The following TPTE variants were observed in gnomAD, a reference collection of about 807,000 sequenced individuals.
TPTE encodes the protein putative tyrosine-protein phosphatase TPTE.
A neutral mutation model predicts 84.1 loss-of-function variants in TPTE; 59 were observed. That is an observed-to-expected ratio of 0.70 (90% CI 0.57 to 0.87). The LOEUF (loss-of-function observed/expected upper bound fraction) is 0.87. Among genes scored for constraint, TPTE ranks in the 40% least tolerant of loss-of-function variants. The pLI, the probability that TPTE is intolerant of heterozygous loss-of-function variation, is 0.00. For missense variants in TPTE, 382 were observed against 659.6 expected (o/e 0.58, Z 4.61); for synonymous variants, 130 against 223.5 (o/e 0.58, Z 3.73).
chr21:10,580,662 T>C (rs1252592266), intron 17 of TPTE, among the ~76,000 whole-genome samples: 1 of 152,312 alleles, frequency 6.6e-6, no homozygotes, highest in Non-Finnish European at 1.5e-5. Context: ...TGAGTATAAA[T>C]GCATGGATTT....
rs1179537027 is a variant in TPTE at position 10,521,625 on chromosome 21, C to T, written c.-280C>T. 2.7e-5 allele frequency: 4 copies of T among 149,512 alleles called. No individual in the cohort carries two copies. The East Asian group carries it at 8.1e-4, about 30-fold the overall frequency. The allele number at this position is 149,512 out of a possible 1,614,324, so 9.3% of individuals were successfully genotyped here. Reference sequence around the variant, plus strand: ...AACAGTTTCTGACCCAACAGTTACCCAGCGCCGGACTCGCTGCGCCCCGGC... The same window carrying T: ...AACAGTTTCTGACCCAACAGTTACCTAGCGCCGGACTCGCTGCGCCCCGGC... On this transcript the variant is annotated 5_prime_UTR_variant, in exon 1 of 24. Transcript: ENST00000618007.
At chr21:10,529,737 A>C (rs910665994) in intron 3 of TPTE, among the ~76,000 whole-genome samples, 1 of 152,312 alleles carries the variant, frequency 6.6e-6, no homozygotes, top group Non-Finnish European at 1.5e-5. Context: ...TTCGCTGACA[A>C]GTAAATATTA....
intron 20 of TPTE, among the ~76,000 whole-genome samples, chr21:10,597,405 CTTTTTTCTTTTTTTT>C (rs2075608201): frequency 6.7e-6 from 1 of 148,960 alleles, no homozygotes; most frequent in African/African-American, 2.5e-5. Context: ...CCTGAATTTT[CTTTTTTCTTTTTTTT>C]TTTTTTTTTT....
At chr21:10,556,075 G>T (rs570254258) in intron 8 of TPTE, among the ~76,000 whole-genome samples, 524 of 152,182 alleles carry the variant, frequency 3.4e-3, no homozygotes, top group African/African-American at 0.012. Flanking sequence ...TAAGTTCTAG[G>T]GTGCATGTGC....
intron 18 of TPTE, 27 bp downstream of exon 18, chr21:10,590,550 T>A: frequency 6.2e-7 from 1 of 1,613,636 alleles, no homozygotes; most frequent in Non-Finnish European, 8.5e-7. Context: ...ACAAACTTTG[T>A]CTTAGGATGA....
intron 3 of TPTE, among the ~76,000 whole-genome samples, chr21:10,537,776 C>T (rs1430238181): frequency 1.3e-5 from 2 of 152,290 alleles, no homozygotes; most frequent in African/African-American, 4.8e-5. Flanking sequence ...TTATATATAC[C>T]TATATGCATT....
At chr21:10,535,211 C>G (rs2074246565) in intron 3 of TPTE, among the ~76,000 whole-genome samples, 1 of 152,302 alleles carries the variant, frequency 6.6e-6, no homozygotes, top group African/African-American at 2.4e-5. Context: ...TTTTATAATT[C>G]CCCAGCCCAC....
chr21:10,589,824 G>T (rs1211246871), intron 17 of TPTE, among the ~76,000 whole-genome samples: 1 of 152,308 alleles, frequency 6.6e-6, no homozygotes, highest in Non-Finnish European at 1.5e-5. Context: ...CAAAATTCCG[G>T]GGAATTGCCA....
intron 9 of TPTE, among the ~76,000 whole-genome samples, chr21:10,560,410 CTAGGCAAA>C: frequency 6.6e-6 from 1 of 152,312 alleles, no homozygotes; most frequent in Non-Finnish European, 1.5e-5. Context: ...CCTTTATAGA[CTAGGCAAA>C]TAGTCTAATC....
At chr21:10,547,500 C>T (rs2074490374) in intron 7 of TPTE, among the ~76,000 whole-genome samples, 2 of 152,308 alleles carry the variant, frequency 1.3e-5, no homozygotes, top group African/African-American at 4.8e-5. Context: ...GAGAATCTCA[C>T]AGTCTTTGCA....
chr21:10,537,298 C>CAT (rs1235899473), intron 3 of TPTE, among the ~76,000 whole-genome samples: 8 of 152,300 alleles, frequency 5.3e-5, no homozygotes, highest in South Asian at 2.1e-4. Context: ...TTGGACGATA[C>CAT]ATATATATAT....
intron 14 of TPTE, among the ~76,000 whole-genome samples, chr21:10,571,246 C>G (rs563574026): frequency 6.6e-6 from 1 of 152,426 alleles, no homozygotes; most frequent in South Asian, 2.1e-4. Context: ...ACAGACACCA[C>G]TGAATGCTGA....
At chr21:10,548,009 T>C (rs1292715727) in intron 7 of TPTE, among the ~76,000 whole-genome samples, 1 of 152,310 alleles carries the variant, frequency 6.6e-6, no homozygotes, top group Non-Finnish European at 1.5e-5. Flanking sequence ...GAAACAGCCT[T>C]GCGGGCCCCA....
chr21:10,583,904 C>T (rs1377287023), intron 17 of TPTE, among the ~76,000 whole-genome samples: 1 of 152,310 alleles, frequency 6.6e-6, no homozygotes, highest in African/African-American at 2.4e-5. Context: ...AACTATCTTA[C>T]TGTAGCTTTC....
Position 10,601,368 on chromosome 21 carries a change from T to A in TPTE, c.1357-690T>A, listed in dbSNP as rs1873267510. On this transcript the variant is annotated intron_variant, in intron 21 of 23. Transcript: ENST00000618007. Reference sequence around the variant, plus strand: ...AAATACAAAAATTAGCTGGGCATGGTGGCACGTGCCTATAGTCCCAGCTAC... The same window carrying A: ...AAATACAAAAATTAGCTGGGCATGGAGGCACGTGCCTATAGTCCCAGCTAC... Among the ~76,000 whole-genome samples the A allele has an allele frequency of 2.0e-5, 3 of 152,306 alleles. No individual in the cohort carries two copies. The South Asian group carries it at 6.2e-4, about 32-fold the overall frequency.
intron 8 of TPTE, among the ~76,000 whole-genome samples, chr21:10,555,367 C>T (rs1484997506): frequency 1.3e-5 from 2 of 152,308 alleles, no homozygotes; most frequent in Non-Finnish European, 2.9e-5. Context: ...CCACCACGCC[C>T]AGCTAATTTT....
intron 17 of TPTE, among the ~76,000 whole-genome samples, chr21:10,590,019 G>A (rs2075437670): frequency 6.6e-6 from 1 of 152,306 alleles, no homozygotes; most frequent in South Asian, 2.1e-4. Context: ...AATTCACTTT[G>A]AAAATATATG....
chr21:10,543,633 T>TAG (rs2074412634), intron 7 of TPTE, among the ~76,000 whole-genome samples: 1 of 152,308 alleles, frequency 6.6e-6, no homozygotes, highest in African/African-American at 2.4e-5. Flanking sequence ...ATTCTTCTCA[T>TAG]TGTAGCATTT....
In TPTE at chr21:10,603,554, CT is replaced by C; in HGVS notation, c.1450-3del. The C allele has an allele frequency of 6.3e-7, 1 of 1,597,892 alleles. No homozygotes were observed. The highest frequency in any genetic ancestry group is 8.5e-7 in the Non-Finnish European group (1 of 1,175,260). ...CAGTTTTACTTTGAAATTTTTTTTTCTTTTTAGAATCTTCCTACATACTATG... is the reference window on the plus strand; with the variant it reads ...CAGTTTTACTTTGAAATTTTTTTTTCTTTTAGAATCTTCCTACATACTATG... On this transcript the variant is annotated splice_polypyrimidine_tract_variant and splice_region_variant and intron_variant, in intron 22 of 23. Transcript: ENST00000618007.
Sources: gnomAD v4.1 joint callset for allele counts (sites outside exome capture counted in the v4.1 genomes callset) on GRCh38, gnomAD v4.1.1 for gene constraint, MANE v1.5 for transcripts, NCBI Gene and HGNC (gene_info 2026-07-23, HGNC 2026-07-21) for gene names.